The following ZNF609 variants were observed in gnomAD, a reference collection of about 807,000 sequenced individuals.
ZNF609 encodes zinc finger protein 609.
Under a neutral mutation model 109.5 loss-of-function variants are expected in ZNF609, and 11 were observed. The ratio of observed to expected loss-of-function variants is 0.10; its 90% CI spans 0.06 to 0.17. The LOEUF (loss-of-function observed/expected upper bound fraction) is 0.17. Among genes scored for constraint, ZNF609 ranks in the 10% least tolerant of loss-of-function variants. The probability of loss-of-function intolerance (pLI) is 1.00; values close to 1 mark genes in which losing one functional copy is unlikely to be tolerated. For missense variants in ZNF609, 1,559 were observed against 1,772.4 expected, an observed-to-expected ratio of 0.88 and a Z score of 2.16; for synonymous variants, 646 against 662.0, an observed-to-expected ratio of 0.98 and a Z score of 0.37.
At chr15:64,542,121 T>TCACA (rs532238775) in intron 2 of ZNF609, among the ~76,000 whole-genome samples, 12 of 150,896 alleles carry the variant, frequency 8.0e-5, no homozygotes, top group African/African-American at 2.2e-4. Context: ...CCCATCTCTC[T>TCACA]CACACACACA....
rs561946452 is a variant in ZNF609 at position 64,602,356 on chromosome 15, A to G, written c.748-20471A>G. On this transcript the variant is annotated intron_variant, in intron 2 of 9. Transcript: ENST00000326648. ...TCATCACTTAGTAGTAACCTTGGCT[A>G]GGTTAGTTATCTAGCCCCTCTAGCC... Among the ~76,000 whole-genome samples, 7 of 152,322 alleles carry G rather than the reference A, an allele frequency of 4.6e-5. No individual in the cohort carries two copies. The East Asian group carries it at 1.3e-3, about 29-fold the overall frequency.
At chr15:64,615,392 C>T (rs1445233947) in intron 2 of ZNF609, among the ~76,000 whole-genome samples, 1 of 151,978 alleles carries the variant, frequency 6.6e-6, no homozygotes, top group Non-Finnish European at 1.5e-5. Context: ...AACCTCTGTC[C>T]TTGGCCTCCC....
chr15:64,491,570 C>T (rs1357560626), intron 1 of ZNF609, among the ~76,000 whole-genome samples: 2 of 152,016 alleles, frequency 1.3e-5, no homozygotes, highest in East Asian at 3.9e-4. Flanking sequence ...TGAGTTTTGC[C>T]GGGTGTGGTG....
chr15:64,623,444 C>A (rs965436777), intron 3 of ZNF609, among the ~76,000 whole-genome samples: 1 of 152,206 alleles, frequency 6.6e-6, no homozygotes, highest in Non-Finnish European at 1.5e-5. Context: ...AATAGTCACT[C>A]TTAAATTCAC....
At chr15:64,662,766 C>T (rs147340244) in intron 3 of ZNF609, among the ~76,000 whole-genome samples, 2,257 of 152,186 alleles carry the variant, frequency 0.015, 23 homozygotes, top group Non-Finnish European at 0.023. Context: ...CCCAGGCTCA[C>T]GCGATTCTCT....
intron 2 of ZNF609, among the ~76,000 whole-genome samples, chr15:64,541,134 T>C (rs988943202): frequency 4.0e-5 from 6 of 148,344 alleles, no homozygotes; most frequent in African/African-American, 1.5e-4. Flanking sequence ...CAGAAAAGAA[T>C]TGCGTTTTTC....
intron 4 of ZNF609, among the ~76,000 whole-genome samples, chr15:64,670,991 T>G (rs1299393408): frequency 6.6e-6 from 1 of 150,942 alleles, no homozygotes; most frequent in East Asian, 1.9e-4. Flanking sequence ...GGGTGGATCA[T>G]GAGGTCAGGA....
intron 1 of ZNF609, among the ~76,000 whole-genome samples, chr15:64,470,936 T>A (rs72741340): frequency 0.061 from 9,341 of 152,348 alleles, 295 homozygotes; most frequent in South Asian, 0.087. Flanking sequence ...GAGTAGCAGC[T>A]ATTAATACTT....
chr15:64,675,794 A>ACCC lies in ZNF609; in HGVS notation c.2944_2946dup (p.Pro982dup). ...TGTACTACAACCAGTATGCCTATGT[A>ACCC]CCCCCCTATGGCTACAGCGACCAGA... On this transcript the variant is annotated inframe_insertion, in exon 5 of 10. Transcript: ENST00000326648. 2 of 1,613,798 alleles carry ACCC rather than the reference A, an allele frequency of 1.2e-6. No homozygotes were observed. The highest frequency in any genetic ancestry group is 1.7e-6 in the Non-Finnish European group (2 of 1,179,964).
At chr15:64,670,265 C>A in intron 3 of ZNF609, 81 bp from the exon 4 acceptor site, 1 of 1,153,756 alleles carries the variant, frequency 8.7e-7, no homozygotes, top group Non-Finnish European at 1.3e-6. Flanking sequence ...TTATAGAAGT[C>A]AGAGTGCTGA....
intron 2 of ZNF609, among the ~76,000 whole-genome samples, chr15:64,621,698 T>G (rs950498238): frequency 5.3e-5 from 8 of 152,122 alleles, no homozygotes; most frequent in African/African-American, 1.9e-4. Context: ...TGCATTCTTC[T>G]TGGAACCTAA....
rs970288406 is a variant in ZNF609 at position 64,593,300 on chromosome 15, C to T, written c.748-29527C>T. ...CCGATTTAGACCTGCGGGTGCTGCC[C>T]CACGTCCCCCACCAAAGCCCATGTA... On this transcript the variant is annotated intron_variant, in intron 2 of 9. Coordinates refer to ENST00000326648, the MANE Select transcript of ZNF609 (RefSeq NM_015042.2). The T allele has an allele frequency of 3.5e-6, 5 of 1,417,324 alleles. No homozygotes were observed. In the Admixed American group the frequency reaches 5.0e-5, roughly 14 times the overall value. 87.8% of individuals were successfully genotyped at this position (1,417,324 alleles called of 1,614,324 possible). A position where few individuals can be genotyped will look rare whatever the true frequency, so the allele number is the denominator to read the frequency against.
chr15:64,627,171 C>A (rs1451032653), intron 3 of ZNF609, among the ~76,000 whole-genome samples: 1 of 149,770 alleles, frequency 6.7e-6, no homozygotes, highest in Non-Finnish European at 1.5e-5. Flanking sequence ...GCCTGGGCGA[C>A]AGAGAGTGAG....
intron 1 of ZNF609, among the ~76,000 whole-genome samples, chr15:64,466,145 CG>C (rs1215854623): frequency 1.3e-4 from 16 of 127,712 alleles, no homozygotes; most frequent in East Asian, 4.9e-4. Flanking sequence ...AAAAAGTTAG[CG>C]GGGGGTATAG....
rs548222356 is a variant in ZNF609, at chr15:64,511,715, T to A, written c.747+11549T>A. 3.6e-3 allele frequency among the ~76,000 whole-genome samples: 497 copies of A among 137,786 alleles called. 1 individual carries two copies. The highest frequency in any genetic ancestry group is 0.013 in the African/African-American group (476 of 37,474). 90.4% of individuals were successfully genotyped at this position (137,786 alleles called of 152,430 possible). On this transcript the variant is annotated intron_variant, in intron 2 of 9. Transcript: ENST00000326648. ...GTGGCTGGAGACTCCAAGCATGTAA[T>A]TTTTTTTTTTTTTTTTTGAGACTGA...
chr15:64,641,234 T>TTTTTTTTTTTTTGGGTG (rs758413589), intron 3 of ZNF609, among the ~76,000 whole-genome samples: 3 of 140,768 alleles, frequency 2.1e-5, no homozygotes, highest in South Asian at 2.2e-4. Flanking sequence ...TTTTTTTTTT[T>TTTTTTTTTTTTTGGGTG]GAGATGGAGT....
chr15:64,476,328 A>C (rs903321486), intron 1 of ZNF609, among the ~76,000 whole-genome samples: 6 of 152,126 alleles, frequency 3.9e-5, no homozygotes, highest in Admixed American at 2.6e-4. Context: ...TTATCTTTGA[A>C]TAGGAGATAG....
At position 64,680,199 on chromosome 15, in the gene ZNF609, T is replaced by G; in HGVS notation, c.3784T>G (p.Ser1262Ala). ...MQNYPGSYLPSSYSFSPYGSK... is the reference protein window; with the variant it reads ...MQNYPGSYLPASYSFSPYGSK... ...TCCTTCCACAGGTTCCTACCTGCCT[T>G]CCAGCTACTCTTTTTCCCCATATGG... Residue 1262 changes from serine to alanine, a missense_variant, in exon 7 of 10, where the codon TCC (serine) becomes GCC (alanine). By Grantham distance (99) the Ser-to-Ala change is moderately conservative (BLOSUM62 1). Coordinates refer to ENST00000326648, the MANE Select transcript of ZNF609 (RefSeq NM_015042.2). The G allele has an allele frequency of 1.2e-6, 2 of 1,614,084 alleles. No individual in the cohort carries two copies. Among genetic ancestry groups the G allele is most frequent in the African/African-American group, 1.3e-5 (1 of 75,040 alleles).
chr15:64,537,820 G>C (rs915570905), intron 2 of ZNF609, among the ~76,000 whole-genome samples: 2 of 152,104 alleles, frequency 1.3e-5, no homozygotes, highest in African/African-American at 2.4e-5. Context: ...CCTAGGGCTG[G>C]GCGCGGTGGC....
Sources: gnomAD v4.1 joint callset for allele counts (sites outside exome capture counted in the v4.1 genomes callset) on GRCh38, gnomAD v4.1.1 for gene constraint, MANE v1.5 for transcripts, NCBI Gene and HGNC (gene_info 2026-07-23, HGNC 2026-07-21) for gene names.